The following CACNA1B variants were observed in gnomAD, a reference collection of about 807,000 sequenced individuals.
CACNA1B encodes the protein voltage-dependent N-type calcium channel subunit alpha-1B.
Under a neutral mutation model 247.2 loss-of-function variants are expected in CACNA1B, and 70 were observed. That is an observed-to-expected ratio of 0.28 (90% confidence interval 0.23 to 0.35). The LOEUF (loss-of-function observed/expected upper bound fraction) is 0.35. Among genes scored for constraint, CACNA1B ranks in the 10% least tolerant of loss-of-function variants. CACNA1B has a pLI of 1.00. For missense variants in CACNA1B, 2,367 were observed against 3,197.4 expected, an observed-to-expected ratio of 0.74 and a Z score of 6.26; for synonymous variants, 1,231 against 1,294.4, an observed-to-expected ratio of 0.95 and a Z score of 1.05.
rs1958197820 is a variant in CACNA1B, at chr9:137,974,726, C to A, written c.1544-1181C>A. 6.6e-6 allele frequency among the ~76,000 whole-genome samples: 1 copy of A among 152,308 alleles called. No individual in the cohort carries two copies. Among genetic ancestry groups the A allele is most frequent in the South Asian group, 2.1e-4 (1 of 4,824 alleles). ...TGAAGGTCCCGTGTCCCAACAGAGA[C>A]TGTAGAGGGGGATTCAGAAGCCCTG... On this transcript the variant is annotated intron_variant, in intron 11 of 46. Coordinates refer to ENST00000371372, the MANE Select transcript of CACNA1B (RefSeq NM_000718.4). This position sits in a 1 kb window ranked among gnomAD's most constrained non-coding sequence, Gnocchi z 4.5.
Position 138,023,394 on chromosome 9 carries a change from A to G in CACNA1B, c.2651A>G (p.Glu884Gly). 1 of 1,343,282 alleles carries G rather than the reference A, an allele frequency of 7.4e-7. No individual in the cohort carries two copies. Among genetic ancestry groups the G allele is most frequent in the Non-Finnish European group, 9.5e-7 (1 of 1,053,196 alleles). The allele number at this position is 1,343,282 out of a possible 1,614,324, so 83.2% of individuals were successfully genotyped here. ...AGCGGGGAGCCCGGTGCCCGGGAGGAGCGGCCGCGGCCGCACCGCAGCCAC... is the reference window on the plus strand; with the variant it reads ...AGCGGGGAGCCCGGTGCCCGGGAGGGGCGGCCGCGGCCGCACCGCAGCCAC... ...AESGEPGARE[E>G]RPRPHRSHSK... Residue 884 changes from glutamate (E) to glycine (G), a missense_variant, in exon 19 of 47, where the codon GAG becomes GGG. Coordinates refer to ENST00000371372, the MANE Select transcript of CACNA1B (RefSeq NM_000718.4).
rs200773494 is a variant in CACNA1B, at chr9:138,013,103, C to T, written c.2161-26C>T. The T allele has an allele frequency of 1.6e-4, 256 of 1,556,886 alleles. No homozygotes were observed. In the South Asian group the frequency reaches 2.8e-3, roughly 17 times the overall value. On this transcript the variant is annotated intron_variant, in intron 17 of 46. Transcript: ENST00000371372. ...AGTGGCTATAACACTGTGAGGGGAA[C>T]TGGACATTTCTCTTTGCTCAAACAG...
chr9:138,120,019 T>C lies in CACNA1B; in HGVS notation c.6031-146T>C, dbSNP rs887358668. On this transcript the variant is annotated intron_variant, in intron 44 of 46. Coordinates refer to ENST00000371372, the MANE Select transcript of CACNA1B (RefSeq NM_000718.4). ...CCAGCCTGCCCTCCTGGGCTACCAT[T>C]TCAGGCCTGGGTCCTTCTGACTGTG... is the stretch of plus-strand genomic sequence containing the variant. The C allele has an allele frequency of 4.4e-4, 306 of 688,486 alleles. 1 individual carries two copies. The highest frequency in any genetic ancestry group is 5.9e-4 in the Non-Finnish European group (244 of 411,008). 42.6% of individuals were successfully genotyped at this position (688,486 alleles called of 1,614,324 possible).
chr9:138,023,712 A>G lies in CACNA1B; in HGVS notation c.2969A>G (p.Glu990Gly). The change falls in exon 19 of 47, where the codon GAG (glutamate) becomes GGG (glycine). Residue 990 changes from glutamate to glycine, a missense_variant. Physicochemically the swap from Glu to Gly is moderately conservative, Grantham distance 98 (BLOSUM62 -2). Around this residue, in one of 12 missense-constraint regions of CACNA1B, gnomAD observed 631 missense variants for 631.1 expected, o/e 1.00. Coordinates refer to ENST00000371372, the MANE Select transcript of CACNA1B (RefSeq NM_000718.4). ...RARHKAQPAH[E>G]AVEKETTEKE... ...CGGCACAAGGCGCAGCCTGCTCACG[A>G]GGCTGTGGAGAAGGAGACCACGGAG... 6.5e-7 allele frequency: 1 copy of G among 1,542,970 alleles called. No homozygotes were observed. The highest frequency in any genetic ancestry group is 1.4e-5 in the African/African-American group (1 of 71,678).
Position 138,073,649 on chromosome 9 carries a change from G to A in CACNA1B, c.4791+45G>A, listed in dbSNP as rs200724323. On this transcript the variant is annotated intron_variant, in intron 33 of 46. Transcript: ENST00000371372. The surrounding 1 kb of genome is among the most constrained non-coding windows in gnomAD (Gnocchi z 6.4). The stretch of plus-strand genomic sequence containing the variant: ...TCCATGCTTTCTGTCCCCTTCCTCC[G>A]TCTTGCTTCCCCTGCCCCCACCACA... 47 of 1,124,324 alleles carry A rather than the reference G, an allele frequency of 4.2e-5. No homozygotes were observed. The highest frequency in any genetic ancestry group is 1.7e-4 in the African/African-American group (11 of 65,486). 69.6% of individuals were successfully genotyped at this position (1,124,324 alleles called of 1,614,324 possible).
intron 20 of CACNA1B, among the ~76,000 whole-genome samples, chr9:138,026,736 A>G (rs1958924998): frequency 6.6e-6 from 1 of 152,156 alleles, no homozygotes; most frequent in Non-Finnish European, 1.5e-5. Context: ...TTAAACATTC[A>G]TGTTCAGGTT....
chr9:137,948,986 T>A (rs978653402), intron 6 of CACNA1B, among the ~76,000 whole-genome samples: 3 of 147,722 alleles, frequency 2.0e-5, no homozygotes, highest in Non-Finnish European at 4.5e-5. Context: ...CTGTTGTGTG[T>A]CTGGTGTTTG....
Position 137,985,742 on chromosome 9 carries a change from G to A in CACNA1B, c.1770-671G>A, listed in dbSNP as rs140901410. 3.3e-3 allele frequency among the ~76,000 whole-genome samples: 502 copies of A among 152,308 alleles called. 3 individuals are homozygous for A. Among genetic ancestry groups the A allele is most frequent in the African/African-American group, 0.011 (477 of 41,580 alleles). On this transcript the variant is annotated intron_variant, in intron 13 of 46. Transcript: ENST00000371372. ...CAGAGGCACAGGGACATGAGGGACC[G>A]GCCCCTCAGTTGCCATCAGCAGCCT...
chr9:138,025,735 G>T lies in CACNA1B; in HGVS notation c.3286+563G>T, dbSNP rs114807069. On this transcript the variant is annotated intron_variant, in intron 20 of 46. Transcript: ENST00000371372. Reference sequence around the variant, plus strand: ...CGGAACAGCCTTTCCATGCCTGCCTGTGTGCAGTCCCTGAGGGCACAGGGG... The same window carrying T: ...CGGAACAGCCTTTCCATGCCTGCCTTTGTGCAGTCCCTGAGGGCACAGGGG... 3.2e-3 allele frequency among the ~76,000 whole-genome samples: 485 copies of T among 152,294 alleles called. 2 individuals carry two copies. The highest frequency in any genetic ancestry group is 0.011 in the African/African-American group (458 of 41,568).
chr9:137,932,030 T>C (rs1304874639), intron 6 of CACNA1B, among the ~76,000 whole-genome samples: 5 of 152,142 alleles, frequency 3.3e-5, no homozygotes, highest in African/African-American at 9.7e-5. Context: ...AAAAACAGCA[T>C]TTTTCCTCTA....
At position 138,064,915 on chromosome 9, in the gene CACNA1B, C is replaced by G. The variant is rs541953183; in HGVS notation, c.4669-4843C>G. 4.6e-5 allele frequency among the ~76,000 whole-genome samples: 7 copies of G among 152,384 alleles called. No individual in the cohort carries two copies. The South Asian group carries it at 8.3e-4, about 18-fold the overall frequency. ...GCCAGTGCCCTCCTCCCAAAACGCT[C>G]TGAGAAGCTGGTTGGCTCGTGGGCA... On this transcript the variant is annotated intron_variant, in intron 31 of 46. Transcript: ENST00000371372.
At chr9:137,956,503 C>A (rs1426098337) in intron 8 of CACNA1B, among the ~76,000 whole-genome samples, 1 of 152,084 alleles carries the variant, frequency 6.6e-6, no homozygotes, top group Non-Finnish European at 1.5e-5. Flanking sequence ...ACTAAAAATA[C>A]AAAAATTAGC....
rs550912280 is a variant in CACNA1B, at chr9:138,093,600, G to A, written c.5095-2884G>A. Among the ~76,000 whole-genome samples the A allele has an allele frequency of 2.6e-5, 4 of 151,774 alleles. No individual in the cohort carries two copies. The South Asian group carries it at 8.4e-4, about 32-fold the overall frequency. ...TACTAAAAATACAAAAATTAGCTGG[G>A]TGTGGTCTCATACACTTGTAATCCC... On this transcript the variant is annotated intron_variant, in intron 36 of 46. Coordinates refer to ENST00000371372, the MANE Select transcript of CACNA1B (RefSeq NM_000718.4).
chr9:138,085,382 A>T (rs933324905), intron 36 of CACNA1B, among the ~76,000 whole-genome samples: 2 of 151,206 alleles, frequency 1.3e-5, no homozygotes, highest in Non-Finnish European at 2.9e-5. Flanking sequence ...AGCCTTCAAG[A>T]ATTATGGAGC....
rs1362585293 is a variant in CACNA1B at position 137,974,032 on chromosome 9, G to A, written c.1544-1875G>A. 6.6e-6 allele frequency among the ~76,000 whole-genome samples: 1 copy of A among 152,206 alleles called. No individual in the cohort carries two copies. The highest frequency in any genetic ancestry group is 1.9e-4 in the East Asian group (1 of 5,184). On this transcript the variant is annotated intron_variant, in intron 11 of 46. Transcript: ENST00000371372. The surrounding 1 kb of genome is among the most constrained non-coding windows in gnomAD (Gnocchi z 4.5). ...TCCTCCCTGGGTCCGAGCCCCTCGT[G>A]TGGGGAGCCCGAGGCCTTTGTGACC...
rs1262061211 is a variant in CACNA1B, at chr9:138,120,613, C to T, written c.6239-18C>T. ...GCCTTGGGCCTGGCCGTGCTAACTT[C>T]TTCTCTTCCCTGGCCAGCACCAAGC... On this transcript the variant is annotated intron_variant, in intron 45 of 46. Coordinates refer to ENST00000371372, the MANE Select transcript of CACNA1B (RefSeq NM_000718.4). 6.7e-7 allele frequency: 1 copy of T among 1,483,106 alleles called. No homozygotes were observed. 91.9% of individuals were successfully genotyped at this position (1,483,106 alleles called of 1,614,324 possible).
At chr9:137,933,355 G>A (rs1957629495) in intron 6 of CACNA1B, among the ~76,000 whole-genome samples, 1 of 152,154 alleles carries the variant, frequency 6.6e-6, no homozygotes, top group African/African-American at 2.4e-5. Context: ...CCGGCACATT[G>A]ATGACTTTTC....
In CACNA1B at chr9:137,957,579, C is replaced by T. The variant is rs766828639; in HGVS notation, c.1244-19C>T. The T allele has an allele frequency of 5.2e-6, 8 of 1,553,154 alleles. No individual in the cohort carries two copies. Among genetic ancestry groups the T allele is most frequent in the South Asian group, 1.2e-5 (1 of 83,330 alleles). ...GGGCTGCAGCTCAGGCAGTCTCTCCCATCCTTTGTTTAAAGCAGTGCTGAA... is the reference window on the plus strand; with the variant it reads ...GGGCTGCAGCTCAGGCAGTCTCTCCTATCCTTTGTTTAAAGCAGTGCTGAA... On this transcript the variant is annotated intron_variant, in intron 9 of 46. Coordinates refer to ENST00000371372, the MANE Select transcript of CACNA1B (RefSeq NM_000718.4). The surrounding 1 kb of genome is among the most constrained non-coding windows in gnomAD (Gnocchi z 4.7).
At chr9:138,077,161 C>T (rs545806412) in intron 35 of CACNA1B, among the ~76,000 whole-genome samples, 1 of 152,288 alleles carries the variant, frequency 6.6e-6, no homozygotes, top group Admixed American at 6.5e-5. Context: ...AGCAGCCCTG[C>T]AGGAACCCCC....
Sources: gnomAD v4.1 joint callset for allele counts (sites outside exome capture counted in the v4.1 genomes callset) on GRCh38, gnomAD v4.1.1 for gene constraint, gnomAD v4.1.1 regional missense constraint, Gnocchi (gnomAD v3.1) non-coding constraint, MANE v1.5 for transcripts, NCBI Gene and HGNC (gene_info 2026-07-23, HGNC 2026-07-21) for gene names.